Variants in SNX29 observed in about 807,000 individuals in gnomAD.
SNX29 encodes sorting nexin 29.
Under a neutral mutation model 102.1 loss-of-function variants are expected in SNX29, and 78 were observed. The observed-to-expected ratio is 0.76, with a 90% CI of 0.64 to 0.92. The LOEUF is 0.92. Ranked by LOEUF, SNX29 falls within the 40% of genes least tolerant of loss-of-function variation. The pLI is 0.00. For missense variants in SNX29, 1,280 were observed against 1,061.7 expected (o/e 1.21, Z -2.86); for synonymous variants, 580 against 414.5 (o/e 1.40, Z -4.85).
At chr16:12,567,820 C>A (rs2079075072) in intron 20 of SNX29, among the ~76,000 whole-genome samples, 1 of 152,154 alleles carries the variant, frequency 6.6e-6, no homozygotes. Context: ...TGAGCACCCT[C>A]TGCTCTCACG....
intron 15 of SNX29, among the ~76,000 whole-genome samples, chr16:12,306,649 T>G (rs943805525): frequency 6.6e-6 from 1 of 152,206 alleles, no homozygotes. Flanking sequence ...TTAATGATGA[T>G]TACACTGAGT....
At chr16:12,421,504 A>T (rs1414548876) in intron 18 of SNX29, among the ~76,000 whole-genome samples, 1 of 152,190 alleles carries the variant, frequency 6.6e-6, no homozygotes, top group Non-Finnish European at 1.5e-5. Flanking sequence ...TTCCCTTAAC[A>T]CATATAGGGT....
At chr16:12,134,165 C>T (rs1279710656) in intron 13 of SNX29, among the ~76,000 whole-genome samples, 1 of 152,168 alleles carries the variant, frequency 6.6e-6, no homozygotes, top group Admixed American at 6.5e-5. Context: ...CACACATTTA[C>T]AGGAGGAAAA....
intron 14 of SNX29, among the ~76,000 whole-genome samples, chr16:12,221,632 AG>A (rs2077480434): frequency 6.6e-6 from 1 of 152,210 alleles, no homozygotes; most frequent in Non-Finnish European, 1.5e-5. Flanking sequence ...AAACAAAAAA[AG>A]GATGAACAGA....
chr16:12,518,350 C>G (rs529958610), intron 19 of SNX29, among the ~76,000 whole-genome samples: 44 of 152,314 alleles, frequency 2.9e-4, no homozygotes, highest in African/African-American at 9.9e-4. Context: ...CCGCTAAACC[C>G]AGCCACACCG....
At chr16:12,073,675 C>G (rs1369775556) in intron 10 of SNX29, among the ~76,000 whole-genome samples, 1 of 152,146 alleles carries the variant, frequency 6.6e-6, no homozygotes, top group Non-Finnish European at 1.5e-5. Flanking sequence ...CTGTAGATGT[C>G]TATTAGATCT....
intron 14 of SNX29, among the ~76,000 whole-genome samples, chr16:12,201,001 G>C (rs2076901874): frequency 6.6e-6 from 1 of 152,236 alleles, no homozygotes; most frequent in South Asian, 2.1e-4. Context: ...GACAGGATTA[G>C]AATCTGGCTA....
rs753173077 is a variant in SNX29 at position 12,547,120 on chromosome 16, ACATCACAGT to A, written c.2319-21377_2319-21369del. 6.9e-3 allele frequency among the ~76,000 whole-genome samples: 1,046 copies of A among 152,314 alleles called. 15 individuals are homozygous for A. Among genetic ancestry groups the A allele is most frequent in the African/African-American group, 0.024 (990 of 41,548 alleles). On this transcript the variant is annotated intron_variant, in intron 20 of 20. Transcript: ENST00000566228. ...ATTTCCAGTGAAAAGACAGGAAATG[ACATCACAGT>A]CATCACAGAGGGAAAGAAGCCTGCT...
chr16:12,369,021 C>T (rs2082586651), intron 16 of SNX29, among the ~76,000 whole-genome samples: 1 of 152,194 alleles, frequency 6.6e-6, no homozygotes, highest in Non-Finnish European at 1.5e-5. Flanking sequence ...CCTCTGATCT[C>T]ATTCTTGGTC....
At chr16:11,985,690 G>A (rs781218127) in intron 1 of SNX29, among the ~76,000 whole-genome samples, 10 of 152,130 alleles carry the variant, frequency 6.6e-5, no homozygotes, top group Non-Finnish European at 1.3e-4. Flanking sequence ...AAATTGTCTG[G>A]ATGGAGGATG....
chr16:12,427,579 A>G (rs1211012086), intron 18 of SNX29, among the ~76,000 whole-genome samples: 2 of 151,948 alleles, frequency 1.3e-5, no homozygotes, highest in Non-Finnish European at 1.5e-5. Context: ...GTAATTCTCT[A>G]TTCGGTTGTT....
chr16:12,270,424 A>G (rs2079056016), intron 14 of SNX29, among the ~76,000 whole-genome samples: 1 of 152,148 alleles, frequency 6.6e-6, no homozygotes, highest in African/African-American at 2.4e-5. Context: ...CTTAATACCC[A>G]GATGTTCTTT....
chr16:12,511,448 C>T (rs536163787), intron 19 of SNX29, among the ~76,000 whole-genome samples: 6 of 152,288 alleles, frequency 3.9e-5, no homozygotes, highest in East Asian at 1.9e-4. Context: ...CACTCCACAT[C>T]GTGCTTGGCA....
intron 3 of SNX29, among the ~76,000 whole-genome samples, chr16:12,010,603 GCGATGTGAGACCT>G (rs1383696254): frequency 1.3e-5 from 2 of 152,144 alleles, no homozygotes; most frequent in Non-Finnish European, 2.9e-5. Context: ...TCTAGCCTGG[GCGATGTGAGACCT>G]CGTCTCAAAA....
chr16:12,112,806 G>A (rs144779399), intron 11 of SNX29, among the ~76,000 whole-genome samples: 250 of 152,338 alleles, frequency 1.6e-3, no homozygotes, highest in African/African-American at 5.3e-3. Flanking sequence ...GCTTAGAAGT[G>A]CAGGTACCTG....
chr16:12,045,086 G>A (rs957897373), intron 5 of SNX29, among the ~76,000 whole-genome samples: 2 of 152,204 alleles, frequency 1.3e-5, no homozygotes, highest in African/African-American at 4.8e-5. Flanking sequence ...TTAGATGCAC[G>A]AAAACAGGCT....
chr16:12,170,730 G>C (rs1187199130), intron 13 of SNX29, among the ~76,000 whole-genome samples: 2 of 151,126 alleles, frequency 1.3e-5, no homozygotes, highest in Non-Finnish European at 2.9e-5. Flanking sequence ...TGGGAGAGGA[G>C]GCTGTGTGAG....
intron 14 of SNX29, among the ~76,000 whole-genome samples, chr16:12,270,776 T>A (rs1053013210): frequency 1.3e-5 from 2 of 152,164 alleles, no homozygotes; most frequent in African/African-American, 4.8e-5. Flanking sequence ...GCACAGTGGC[T>A]CATGTCAGTA....
At chr16:12,057,489 T>C (rs1207063957) in intron 8 of SNX29, among the ~76,000 whole-genome samples, 1 of 152,132 alleles carries the variant, frequency 6.6e-6, no homozygotes, top group Non-Finnish European at 1.5e-5. Flanking sequence ...GAAAGCAGTT[T>C]GACAAACTGG....
Sources: allele counts gnomAD v4.1 joint callset (sites outside exome capture counted in the v4.1 genomes callset), GRCh38; gene constraint gnomAD v4.1.1; transcripts MANE v1.5; gene names NCBI Gene and HGNC (gene_info 2026-07-23, HGNC 2026-07-21).